The following SLC24A2 variants were observed in gnomAD, a reference collection of about 807,000 sequenced individuals.
The protein encoded by SLC24A2 is sodium/potassium/calcium exchanger 2.
In SLC24A2, 36 loss-of-function variants were observed where a neutral mutation model predicts 62.0. The ratio of observed to expected loss-of-function variants is 0.58; its 90% CI spans 0.44 to 0.77. The LOEUF (loss-of-function observed/expected upper bound fraction) is 0.77. Among genes scored for constraint, SLC24A2 ranks in the 30% least tolerant of loss-of-function variants. SLC24A2 has a pLI of 0.00. For missense variants in SLC24A2, 846 were observed against 817.9 expected (o/e 1.03, Z -0.42); for synonymous variants, 358 against 294.0 (o/e 1.22, Z -2.23).
chr9:20,226,429 G>T, the SLC24A2 span, among the ~76,000 whole-genome samples: 3 of 152,118 alleles, frequency 2.0e-5, no homozygotes, highest in African/African-American at 7.2e-5. Context: ...TGGCATCTGG[G>T]AATGTAAACT....
chr9:19,763,058 A>G (rs1822392871), intron 2 of SLC24A2, among the ~76,000 whole-genome samples: 1 of 151,928 alleles, frequency 6.6e-6, no homozygotes, highest in African/African-American at 2.4e-5. Context: ...TTGTATTCCT[A>G]GGTATTTTAT....
At chr9:20,071,867 T>A in the SLC24A2 span, among the ~76,000 whole-genome samples, 1 of 152,118 alleles carries the variant, frequency 6.6e-6, no homozygotes, top group Non-Finnish European at 1.5e-5. Context: ...GGGTTTAATT[T>A]GCTGGAGCGG....
the SLC24A2 span, among the ~76,000 whole-genome samples, chr9:20,248,501 T>G: frequency 6.6e-6 from 1 of 152,292 alleles, no homozygotes; most frequent in South Asian, 2.1e-4. Flanking sequence ...CTTCCTGCTG[T>G]GTCCTCACAT....
intron 2 of SLC24A2, among the ~76,000 whole-genome samples, chr9:19,774,757 T>C (rs1341262298): frequency 6.6e-6 from 1 of 152,158 alleles, no homozygotes; most frequent in East Asian, 1.9e-4. Flanking sequence ...GAAGGTCCTG[T>C]AGATGGGTAA....
At chr9:20,097,177 C>T in the SLC24A2 span, among the ~76,000 whole-genome samples, 1 of 152,168 alleles carries the variant, frequency 6.6e-6, no homozygotes, top group Non-Finnish European at 1.5e-5. Flanking sequence ...TGATTCCCTA[C>T]CTGCCTCTTG....
chr9:19,976,992 A>G, the SLC24A2 span, among the ~76,000 whole-genome samples: 1 of 152,230 alleles, frequency 6.6e-6, no homozygotes, highest in Non-Finnish European at 1.5e-5. Context: ...GCAAAGTCCA[A>G]CTACAGTCAC....
chr9:20,074,193 G>A, the SLC24A2 span, among the ~76,000 whole-genome samples: 2 of 151,758 alleles, frequency 1.3e-5, no homozygotes, highest in African/African-American at 4.8e-5. Flanking sequence ...TGATTTATAC[G>A]CCATTAATGC....
chr9:19,517,169 C>T (rs1028255791), intron 10 of SLC24A2, among the ~76,000 whole-genome samples: 2 of 152,186 alleles, frequency 1.3e-5, no homozygotes, highest in African/African-American at 2.4e-5. Flanking sequence ...CTAGTTTCCA[C>T]TACACCACAA....
intron 8 of SLC24A2, 29 bp downstream of exon 8, chr9:19,550,108 G>C (rs1180811279): frequency 6.2e-7 from 1 of 1,609,136 alleles, no homozygotes. Context: ...TGTTTTACAA[G>C]GGAACTATTT....
chr9:19,586,020 G>T (rs962132162), intron 5 of SLC24A2, among the ~76,000 whole-genome samples: 4 of 152,084 alleles, frequency 2.6e-5, no homozygotes, highest in African/African-American at 4.8e-5. Flanking sequence ...GCATCCTCCT[G>T]ATTTACTCTT....
chr9:20,054,419 C>T, the SLC24A2 span, among the ~76,000 whole-genome samples: 1,475 of 152,036 alleles, frequency 9.7e-3, 20 homozygotes, highest in African/African-American at 0.033. Context: ...CTCAAACTCC[C>T]GACCTCAAGT....
chr9:19,881,840 G>A, the SLC24A2 span, among the ~76,000 whole-genome samples: 2 of 152,194 alleles, frequency 1.3e-5, no homozygotes, highest in Admixed American at 1.3e-4. Flanking sequence ...CTTGGGAAGT[G>A]GTTGGCAATT....
At chr9:19,920,765 A>C in the SLC24A2 span, among the ~76,000 whole-genome samples, 1 of 152,188 alleles carries the variant, frequency 6.6e-6, no homozygotes, top group Non-Finnish European at 1.5e-5. Context: ...ACGACACAAC[A>C]GTGAGTTCTA....
intron 8 of SLC24A2, among the ~76,000 whole-genome samples, chr9:19,545,714 C>CT (rs1189500807): frequency 6.6e-6 from 1 of 151,824 alleles, no homozygotes; most frequent in Non-Finnish European, 1.5e-5. Flanking sequence ...TCATGGCTCA[C>CT]TGCAAGCTCC....
At chr9:19,754,166 A>G (rs1398362989) in intron 2 of SLC24A2, among the ~76,000 whole-genome samples, 1 of 152,184 alleles carries the variant, frequency 6.6e-6, no homozygotes, top group East Asian at 1.9e-4. Flanking sequence ...GATTCTGTCA[A>G]AGGAGCCACA....
chr9:20,176,602 G>A, the SLC24A2 span, among the ~76,000 whole-genome samples: 191 of 152,198 alleles, frequency 1.3e-3, 1 homozygote, highest in Middle Eastern at 0.02. Context: ...CCGATGAGAA[G>A]TGCCAACCAT....
the SLC24A2 span, among the ~76,000 whole-genome samples, chr9:19,940,339 G>A: frequency 1.3e-5 from 2 of 152,132 alleles, no homozygotes; most frequent in Non-Finnish European, 2.9e-5. Flanking sequence ...AATAGTCAGG[G>A]GGTACTTTTA....
chr9:19,846,656 G>A, the SLC24A2 span, among the ~76,000 whole-genome samples: 3 of 152,114 alleles, frequency 2.0e-5, no homozygotes, highest in African/African-American at 7.2e-5. Context: ...GTTTTGTGTG[G>A]TTGCTTTATA....
the SLC24A2 span, among the ~76,000 whole-genome samples, chr9:20,235,707 G>A: frequency 5.3e-5 from 8 of 152,222 alleles, no homozygotes; most frequent in East Asian, 7.7e-4. Context: ...GCCCTGCTTC[G>A]GCTCGCACAC....
Sources: allele counts gnomAD v4.1 joint callset (sites outside exome capture counted in the v4.1 genomes callset), GRCh38; gene constraint gnomAD v4.1.1; transcripts MANE v1.5; gene names NCBI Gene and HGNC (gene_info 2026-07-23, HGNC 2026-07-21).